TRAPPC9: variants seen among roughly 807,000 people sequenced by gnomAD.
TRAPPC9 encodes trafficking protein particle complex subunit 9, also known as IKK2 binding protein.
Under a neutral mutation model 124.0 loss-of-function variants are expected in TRAPPC9, and 83 were observed. The observed-to-expected ratio is 0.67, with a 90% CI of 0.56 to 0.80. The LOEUF (loss-of-function observed/expected upper bound fraction) is 0.80, where lower values mean the gene tolerates loss of function less well. Among genes scored for constraint, TRAPPC9 ranks in the 30% least tolerant of loss-of-function variants. TRAPPC9 has a pLI of 0.00. For synonymous variants in TRAPPC9, 638 were observed against 617.5 expected, an observed-to-expected ratio of 1.03 and a Z score of -0.49; for missense variants, 1,302 against 1,508.3, an observed-to-expected ratio of 0.86 and a Z score of 2.27.
At chr8:140,367,818 C>T (rs1221580755) in intron 8 of TRAPPC9, among the ~76,000 whole-genome samples, 2 of 152,134 alleles carry the variant, frequency 1.3e-5, no homozygotes, top group Non-Finnish European at 2.9e-5. Flanking sequence ...GAAGTCTGTG[C>T]GTCTGCAAGG....
In TRAPPC9 at chr8:140,405,798, A is replaced by C. The variant is rs545434721; in HGVS notation, c.887-100T>G. 139 of 1,350,474 alleles carry C rather than the reference A, an allele frequency of 1.0e-4. 1 individual carries two copies. The African/African-American group carries it at 1.9e-3, about 18-fold the overall frequency. The allele number at this position is 1,350,474 out of a possible 1,614,324, so 83.7% of individuals were successfully genotyped here. ...ATAAGACAAAACTTAAATATGCCCT[A>C]CTGAAATTTAAATAATGTAAGTGTT... On this transcript the variant is annotated intron_variant, in intron 5 of 22. Coordinates refer to ENST00000438773, the MANE Select transcript of TRAPPC9 (RefSeq NM_001160372.4).
At chr8:140,155,581 C>T (rs1187007286) in intron 17 of TRAPPC9, among the ~76,000 whole-genome samples, 1 of 152,162 alleles carries the variant, frequency 6.6e-6, no homozygotes, top group Non-Finnish European at 1.5e-5. Flanking sequence ...CAGGCTGCCT[C>T]CAACCCTCGG....
intron 17 of TRAPPC9, among the ~76,000 whole-genome samples, chr8:140,165,128 C>A (rs1157688907): frequency 6.6e-6 from 1 of 152,160 alleles, no homozygotes; most frequent in Non-Finnish European, 1.5e-5. Flanking sequence ...GTAATCCCAG[C>A]ACTCTGGGAG....
intron 21 of TRAPPC9, among the ~76,000 whole-genome samples, chr8:139,815,111 C>T (rs1429034010): frequency 6.6e-6 from 1 of 152,196 alleles, no homozygotes; most frequent in Non-Finnish European, 1.5e-5. Context: ...CTGCAGTGGA[C>T]AGTCTGTTTT....
At chr8:139,751,906 C>A (rs1374055407) in intron 21 of TRAPPC9, among the ~76,000 whole-genome samples, 1 of 151,538 alleles carries the variant, frequency 6.6e-6, no homozygotes, top group African/African-American at 2.4e-5. Context: ...ATCAATCCAC[C>A]ATCCATCCAC....
chr8:140,434,801 T>C (rs2070755207), intron 4 of TRAPPC9, among the ~76,000 whole-genome samples: 1 of 152,040 alleles, frequency 6.6e-6, no homozygotes, highest in Non-Finnish European at 1.5e-5. Flanking sequence ...AAACCCCGCC[T>C]CTATTAAAAA....
At chr8:139,792,840 G>A (rs938270848) in intron 21 of TRAPPC9, among the ~76,000 whole-genome samples, 3 of 152,244 alleles carry the variant, frequency 2.0e-5, no homozygotes, top group Non-Finnish European at 2.9e-5. Flanking sequence ...GTGCAGGGAC[G>A]AGAACCAACA....
At position 140,241,968 on chromosome 8, in the gene TRAPPC9, C is replaced by T. The variant is rs56135204; in HGVS notation, c.2431+10809G>A. Among the ~76,000 whole-genome samples, 16,158 of 152,060 alleles carry T rather than the reference C, an allele frequency of 0.11. 1,074 individuals are homozygous for T. The highest frequency in any genetic ancestry group is 0.19 in the African/African-American group (7,713 of 41,442). On this transcript the variant is annotated intron_variant, in intron 16 of 22. Transcript: ENST00000438773. This position sits in a 1 kb window ranked among gnomAD's most constrained non-coding sequence, Gnocchi z 5.0. ...AGGATGAGCTCGAGCTCTGCCACCA[C>T]AGGACATGGAGGGAGGGGACACTCA...
At chr8:140,043,235 A>G (rs1841378094) in intron 17 of TRAPPC9, among the ~76,000 whole-genome samples, 1 of 152,202 alleles carries the variant, frequency 6.6e-6, no homozygotes, top group Admixed American at 6.5e-5. Context: ...TTTCCAGAAT[A>G]TCTTACATAG....
At chr8:139,782,563 G>A (rs1459758283) in intron 21 of TRAPPC9, among the ~76,000 whole-genome samples, 4 of 152,106 alleles carry the variant, frequency 2.6e-5, no homozygotes, top group Non-Finnish European at 4.4e-5. Flanking sequence ...TCCAAAATTC[G>A]TTAAGTAAAA....
intron 18 of TRAPPC9, among the ~76,000 whole-genome samples, chr8:140,000,960 T>C (rs1298186874): frequency 6.6e-6 from 1 of 152,132 alleles, no homozygotes; most frequent in Non-Finnish European, 1.5e-5. Flanking sequence ...CTATTCACAA[T>C]AGCAAAGACT....
intron 4 of TRAPPC9, among the ~76,000 whole-genome samples, chr8:140,430,877 C>G (rs754354199): frequency 1.3e-5 from 2 of 151,926 alleles, no homozygotes; most frequent in African/African-American, 2.4e-5. Flanking sequence ...TGGGCTCAAG[C>G]GATCCATGCA....
At chr8:140,076,714 G>A (rs1843532924) in intron 17 of TRAPPC9, among the ~76,000 whole-genome samples, 1 of 152,200 alleles carries the variant, frequency 6.6e-6, no homozygotes, top group Non-Finnish European at 1.5e-5. Context: ...GGCGCCTACT[G>A]TCACACAGCC....
At chr8:139,991,231 A>G (rs909709502) in intron 18 of TRAPPC9, among the ~76,000 whole-genome samples, 4 of 152,238 alleles carry the variant, frequency 2.6e-5, no homozygotes, top group Admixed American at 1.3e-4. Context: ...TAAAAGGTTC[A>G]AATATATTTT....
In TRAPPC9 at chr8:140,216,674, TAC is replaced by T. The variant is rs1165854574; in HGVS notation, c.2556+4783_2556+4784del. Among the ~76,000 whole-genome samples the T allele has an allele frequency of 2.0e-5, 3 of 152,286 alleles. No individual in the cohort carries two copies. Among genetic ancestry groups the T allele is most frequent in the East Asian group, 3.9e-4 (2 of 5,186 alleles). On this transcript the variant is annotated intron_variant, in intron 17 of 22. Coordinates refer to ENST00000438773, the MANE Select transcript of TRAPPC9 (RefSeq NM_001160372.4). The surrounding 1 kb of genome is among the most constrained non-coding windows in gnomAD (Gnocchi z 4.1). ...ACAGCAGGCCTGCAGCAGCATGCCA[TAC>T]ACACACAGACTTCAGGGGCCTCTGC... is the stretch of plus-strand genomic sequence containing the variant.
rs2064372269 is a variant in TRAPPC9, at chr8:140,260,270, A to G, written c.2279-7341T>C. On this transcript the variant is annotated intron_variant, in intron 15 of 22. Coordinates refer to ENST00000438773, the MANE Select transcript of TRAPPC9 (RefSeq NM_001160372.4). ...GCCTGCAAATCCACGTGCAAGACTG[A>G]TCTTGCTAAGGCCCGTGGCTCGAGA... is the stretch of plus-strand genomic sequence containing the variant. 3.3e-5 allele frequency among the ~76,000 whole-genome samples: 5 copies of G among 152,108 alleles called. No individual in the cohort carries two copies. The South Asian group carries it at 1.0e-3, about 32-fold the overall frequency.
chr8:140,343,976 T>C (rs1302850622), intron 9 of TRAPPC9, among the ~76,000 whole-genome samples: 3 of 151,964 alleles, frequency 2.0e-5, no homozygotes, highest in African/African-American at 4.8e-5. Flanking sequence ...ACGGTGGAAA[T>C]GGAACCAGCT....
intron 4 of TRAPPC9, among the ~76,000 whole-genome samples, chr8:140,427,698 T>G (rs183143739): frequency 5.3e-5 from 8 of 152,170 alleles, no homozygotes; most frequent in Non-Finnish European, 8.8e-5. Flanking sequence ...TTCAAAAAGG[T>G]ATGTCCCAAT....
intron 21 of TRAPPC9, among the ~76,000 whole-genome samples, chr8:139,843,464 C>A (rs369146167): frequency 6.6e-6 from 1 of 152,188 alleles, no homozygotes; most frequent in Admixed American, 6.5e-5. Context: ...ATAGGCAGAA[C>A]GATCCCTCCC....
Sources: gnomAD v4.1 joint callset for allele counts (sites outside exome capture counted in the v4.1 genomes callset) on GRCh38, gnomAD v4.1.1 for gene constraint, Gnocchi (gnomAD v3.1) non-coding constraint, MANE v1.5 for transcripts, NCBI Gene and HGNC (gene_info 2026-07-23, HGNC 2026-07-21) for gene names.